The following SLC12A5 variants were observed in gnomAD, a reference collection of about 807,000 sequenced individuals.
SLC12A5 encodes K-Cl cotransporter 2.
A neutral mutation model predicts 124.0 loss-of-function variants in SLC12A5; 18 were observed. The observed-to-expected ratio is 0.15, with a 90% CI of 0.10 to 0.22. The LOEUF (loss-of-function observed/expected upper bound fraction) is 0.22. Ranked by LOEUF, SLC12A5 falls within the 10% of genes least tolerant of loss-of-function variation. SLC12A5 has a pLI of 1.00. For missense variants in SLC12A5, 867 were observed against 1,478.7 expected (o/e 0.59, Z 6.78); for synonymous variants, 589 against 568.0 (o/e 1.04, Z -0.53).
intron 2 of SLC12A5, chr20:46,023,293 A>G: frequency 2.5e-6 from 1 of 398,590 alleles, no homozygotes; most frequent in Admixed American, 4.4e-5. Flanking sequence ...ATTTTCATGA[A>G]TGACCTTACC....
At chr20:46,029,899 T>C (rs1210882345) in intron 1 of SLC12A5, among the ~76,000 whole-genome samples, 1 of 108,304 alleles carries the variant, frequency 9.2e-6, no homozygotes, top group African/African-American at 3.6e-5. Flanking sequence ...TGCGCGCGCG[T>C]GCGTATGTGT....
At chr20:46,027,502 T>G (rs928291131), upstream of SLC12A5, among the ~76,000 whole-genome samples, 7 of 152,170 alleles carry the variant, frequency 4.6e-5, no homozygotes, top group Non-Finnish European at 8.8e-5. Flanking sequence ...TATGAATGGC[T>G]CTTTAGGATT....
rs2084563180 is a variant in SLC12A5 at position 46,043,209 on chromosome 20, A to C, written c.1123A>C (p.Thr375Pro). The change falls in exon 9 of 26, where the codon ACC (threonine) becomes CCC (proline). Residue 375 changes from threonine (T) to proline (P), a missense_variant. By Grantham distance (38) the Thr-to-Pro change is conservative. This residue lies in a region of SLC12A5 where 127 missense variants were observed against 164.1 expected (regional missense o/e 0.77). Transcript: ENST00000243964. Reference sequence around the variant, plus strand: ...CGTGATTGTGGAGAGGAGTGGGATGACCTCGGTGGGCCTGGCCGATGGCAC... The same window carrying C: ...CGTGATTGTGGAGAGGAGTGGGATGCCCTCGGTGGGCCTGGCCGATGGCAC... The part of the protein sequence containing the change: ...KGVIVERSGM[T>P]SVGLADGTPI... 6.2e-7 allele frequency: 1 copy of C among 1,613,362 alleles called. No homozygotes were observed. Among genetic ancestry groups the C allele is most frequent in the Non-Finnish European group, 8.5e-7 (1 of 1,179,842 alleles).
intron 8 of SLC12A5, among the ~76,000 whole-genome samples, 176 bp downstream of exon 8, chr20:46,041,716 C>G (rs538314395): frequency 6.6e-6 from 1 of 152,154 alleles, no homozygotes; most frequent in Non-Finnish European, 1.5e-5. Context: ...GAAAAGGAGA[C>G]AAGTATCTCA....
rs2084489102 is a variant in SLC12A5 at position 46,035,472 on chromosome 20, C to G, written c.216C>G (p.Pro72=). 7.4e-6 allele frequency: 12 copies of G among 1,613,644 alleles called. No individual in the cohort carries two copies. Among genetic ancestry groups the G allele is most frequent in the Non-Finnish European group, 9.3e-6 (11 of 1,179,964 alleles). ...LSGLANYTNL[P]QGSREHEEAE... is the part of the protein sequence containing the mutation. ...GCCTGGCCAACTACACCAACCTGCC[C>G]CAGGGAAGTAGGGAGCATGAAGAGG... The change falls in exon 3 of 26, where the codon CCC becomes CCG. Residue 72 remains proline (P), a synonymous_variant. Transcript: ENST00000243964.
chr20:46,057,236 C>T lies in SLC12A5; in HGVS notation c.3192C>T (p.Ser1064=), dbSNP rs766570084. 3.7e-6 allele frequency: 6 copies of T among 1,614,224 alleles called. No homozygotes were observed. In the South Asian group the frequency reaches 6.6e-5, roughly 18 times the overall value. ...TGAACGAGGTCATCGTGAAGAAATC[C>T]CGGGACGCCAAGCTTGTTTTGCTCA... ...VRLNEVIVKK[S]RDAKLVLLNM... Residue 1064 remains serine (S), a synonymous_variant, in exon 25 of 26, where the codon TCC becomes TCT. Transcript: ENST00000243964. The surrounding 1 kb of genome is among the most constrained non-coding windows in gnomAD (Gnocchi z 7.1).
In SLC12A5 at chr20:46,045,792, C is replaced by T. The variant is rs2084589780; in HGVS notation, c.1570-86C>T. 1 of 1,030,300 alleles carries T rather than the reference C, an allele frequency of 9.7e-7. No individual in the cohort carries two copies. The allele number at this position is 1,030,300 out of a possible 1,614,324, so 63.8% of individuals were successfully genotyped here. On this transcript the variant is annotated intron_variant, in intron 12 of 25. Transcript: ENST00000243964. The surrounding 1 kb of genome is among the most constrained non-coding windows in gnomAD (Gnocchi z 4.9). ...CTCCTCTTTGGTGATAGGATTCCTG[C>T]CTCTACTCCACTGGTTCCCGAGGCT...
chr20:46,053,084 A>G lies in SLC12A5; in HGVS notation c.2505A>G (p.Gly835=). 3 of 1,613,166 alleles carry G rather than the reference A, an allele frequency of 1.9e-6. No individual in the cohort carries two copies. The highest frequency in any genetic ancestry group is 2.5e-6 in the Non-Finnish European group (3 of 1,179,182). Residue 835 remains glycine, a synonymous_variant, in exon 19 of 26, where the codon GGA becomes GGG. Transcript: ENST00000243964. This position sits in a 1 kb window ranked among gnomAD's most constrained non-coding sequence, Gnocchi z 4.7. ...ACGTTTGGTGGATTGTGCACGATGG[A>G]GGCATGCTCATGCTGCTGCCCTTCC... is the stretch of plus-strand genomic sequence containing the variant. ...SIDVWWIVHD[G]GMLMLLPFLL...
At chr20:46,022,043 C>T in intron 1 of SLC12A5, 4 of 923,882 alleles carry the variant, frequency 4.3e-6, no homozygotes, top group Non-Finnish European at 4.4e-6. Context: ...ACTAGGAAAC[C>T]AAGGGGCCGG....
At chr20:46,022,020 G>C in intron 1 of SLC12A5, 1 of 1,083,552 alleles carries the variant, frequency 9.2e-7, no homozygotes, top group African/African-American at 1.7e-5. Flanking sequence ...CCTGAGAGGG[G>C]AATGGAGCCA....
intron 7 of SLC12A5, 153 bp downstream of exon 7, chr20:46,040,767 T>A (rs998163897): frequency 4.1e-6 from 5 of 1,224,000 alleles, no homozygotes; most frequent in Non-Finnish European, 5.6e-6. Flanking sequence ...TCTCTCTTAG[T>A]TTGGGGGCAA....
chr20:46,042,475 T>A (rs2084556130), intron 8 of SLC12A5, among the ~76,000 whole-genome samples: 1 of 152,070 alleles, frequency 6.6e-6, no homozygotes. Flanking sequence ...CAACCAGGGC[T>A]GTTTTGCCAC....
rs976637351 is a variant in SLC12A5 at position 46,058,835 on chromosome 20, T to C, written c.*1230T>C. On this transcript the variant is annotated 3_prime_UTR_variant, in exon 26 of 26. Coordinates refer to ENST00000243964, the MANE Select transcript of SLC12A5 (RefSeq NM_020708.5). This position sits in a 1 kb window ranked among gnomAD's most constrained non-coding sequence, Gnocchi z 5.8. ...TCCCCCGTCCCCATCTGGCAGCTCC[T>C]GTCTCGCCTGAGGGACCCAGCCGCC... The C allele has an allele frequency of 2.5e-6, 1 of 397,764 alleles. No homozygotes were observed. Among genetic ancestry groups the C allele is most frequent in the African/African-American group, 2.1e-5 (1 of 48,760 alleles). The allele number at this position is 397,764 out of a possible 1,614,324, so 24.6% of individuals were successfully genotyped here. A position where few individuals can be genotyped will look rare whatever the true frequency, so the allele number is the denominator to read the frequency against.
In SLC12A5 at chr20:46,057,579, C is replaced by T. The variant is rs1568870063; in HGVS notation, c.3325C>T (p.Arg1109Cys). The T allele has an allele frequency of 3.1e-6, 5 of 1,613,760 alleles. No homozygotes were observed. Among genetic ancestry groups the T allele is most frequent in the Middle Eastern group, 3.3e-4 (2 of 6,076 alleles). ...DRVMLVRGGGREVITIYS is the reference protein window; with the variant it reads ...DRVMLVRGGGCEVITIYS ...GGTGATGCTGGTCCGCGGCGGCGGCCGCGAGGTCATCACCATCTACTCCTG... is the reference window on the plus strand; with the variant it reads ...GGTGATGCTGGTCCGCGGCGGCGGCTGCGAGGTCATCACCATCTACTCCTG... Residue 1109 changes from arginine to cysteine, a missense_variant, in exon 26 of 26, where the codon CGC becomes TGC. Coordinates refer to ENST00000243964, the MANE Select transcript of SLC12A5 (RefSeq NM_020708.5). The surrounding 1 kb of genome is among the most constrained non-coding windows in gnomAD (Gnocchi z 7.1).
intron 1 of SLC12A5, among the ~76,000 whole-genome samples, chr20:46,022,388 G>C (rs2084363323): frequency 7.4e-6 from 1 of 135,804 alleles, no homozygotes; most frequent in Non-Finnish European, 1.6e-5. Flanking sequence ...AATGAGTTGG[G>C]CCAGGAGGAT....
Position 46,049,640 on chromosome 20 carries a change from G to A in SLC12A5, c.2031G>A (p.Leu677=). The change falls in exon 17 of 26, where the codon CTG becomes CTA. Residue 677 remains leucine, a synonymous_variant. Transcript: ENST00000243964. ...TKNWRPQLLV[L]VRVDQDQNVV... is the part of the protein sequence containing the mutation. ...TCTTCAGGCCACAGCTGCTGGTGCTGGTGCGTGTGGACCAAGACCAGAATG... is the reference window on the plus strand; with the variant it reads ...TCTTCAGGCCACAGCTGCTGGTGCTAGTGCGTGTGGACCAAGACCAGAATG... 1 of 1,604,946 alleles carries A rather than the reference G, an allele frequency of 6.2e-7. No individual in the cohort carries two copies. Among genetic ancestry groups the A allele is most frequent in the Non-Finnish European group, 8.5e-7 (1 of 1,175,866 alleles).
chr20:46,028,361 C>T (rs1034222214), upstream of SLC12A5, among the ~76,000 whole-genome samples: 2 of 152,134 alleles, frequency 1.3e-5, no homozygotes, highest in East Asian at 1.9e-4. Flanking sequence ...GTCAGTGCTC[C>T]CTGGAAACTC....
At chr20:46,055,157 C>T in intron 21 of SLC12A5, 134 bp downstream of exon 21, 1 of 668,440 alleles carries the variant, frequency 1.5e-6, no homozygotes. Flanking sequence ...CCAACCACAC[C>T]TCCTGAAACT....
At chr20:46,040,663 G>T (rs1012717586) in intron 7 of SLC12A5, 49 bp downstream of exon 7, 1 of 1,598,514 alleles carries the variant, frequency 6.3e-7, no homozygotes, top group Non-Finnish European at 8.5e-7. Context: ...TACCTCCCTG[G>T]CCCTGTTTCA....
Sources: allele counts gnomAD v4.1 joint callset (sites outside exome capture counted in the v4.1 genomes callset), GRCh38; gene constraint gnomAD v4.1.1; regional missense constraint gnomAD v4.1.1; non-coding constraint Gnocchi (gnomAD v3.1); transcripts MANE v1.5; gene names NCBI Gene and HGNC (gene_info 2026-07-23, HGNC 2026-07-21).